The following PLIN3 variants were observed in gnomAD, a reference collection of about 807,000 sequenced individuals.
PLIN3 encodes the protein perilipin-3.
In PLIN3, 30 loss-of-function variants were observed where a neutral mutation model predicts 35.9. That is an observed-to-expected ratio of 0.84 (90% CI 0.62 to 1.13). PLIN3 has a LOEUF of 1.13. Among genes scored for constraint, PLIN3 ranks in the 50% most tolerant of loss-of-function variants. The probability of loss-of-function intolerance (pLI) is 0.00; values close to 1 mark genes in which losing one functional copy is unlikely to be tolerated. For missense variants in PLIN3, 603 were observed against 596.9 expected, an observed-to-expected ratio of 1.01 and a Z score of -0.11; for synonymous variants, 261 against 262.5, an observed-to-expected ratio of 0.99 and a Z score of 0.06.
At chr19:4,844,814 G>T in intron 6 of PLIN3, 21 bp from the exon 7 acceptor site, 1 of 1,578,632 alleles carries the variant, frequency 6.3e-7, no homozygotes. Context: ...GGAGAGAGAA[G>T]TGAGGGAAGG....
intron 1 of PLIN3, among the ~76,000 whole-genome samples, chr19:4,865,426 T>A (rs2030814943): frequency 6.6e-6 from 1 of 151,002 alleles, no homozygotes; most frequent in Non-Finnish European, 1.5e-5. Context: ...GAGGTGGAGG[T>A]TGCAGTGAGT....
At chr19:4,848,205 A>G (rs536378434) in intron 5 of PLIN3, among the ~76,000 whole-genome samples, 7 of 152,242 alleles carry the variant, frequency 4.6e-5, no homozygotes, top group African/African-American at 1.7e-4. Context: ...GCTGGTCTCG[A>G]ACTCCTGATC....
At chr19:4,843,362 G>A (rs1480536647) in intron 7 of PLIN3, among the ~76,000 whole-genome samples, 2 of 151,860 alleles carry the variant, frequency 1.3e-5, no homozygotes, top group East Asian at 3.9e-4. Context: ...AAAAAAATTA[G>A]CTGGGCCTGG....
intron 4 of PLIN3, among the ~76,000 whole-genome samples, chr19:4,855,367 T>C (rs2030441232): frequency 6.6e-6 from 1 of 150,870 alleles, no homozygotes; most frequent in South Asian, 2.1e-4. Flanking sequence ...TCCTACGCTA[T>C]CAGTGGGAGA....
At chr19:4,843,323 G>A (rs973419554) in intron 7 of PLIN3, among the ~76,000 whole-genome samples, 13 of 151,878 alleles carry the variant, frequency 8.6e-5, no homozygotes, top group South Asian at 2.1e-4. Flanking sequence ...CGGGTAACAC[G>A]GTGAAATCGC....
intron 7 of PLIN3, among the ~76,000 whole-genome samples, chr19:4,842,110 G>C (rs538595635): frequency 6.6e-6 from 1 of 151,362 alleles, no homozygotes; most frequent in Non-Finnish European, 1.5e-5. Flanking sequence ...GGCCAACATG[G>C]TGAGACCCCA....
At chr19:4,857,090 C>A (rs188281274) in intron 4 of PLIN3, among the ~76,000 whole-genome samples, 1 of 151,980 alleles carries the variant, frequency 6.6e-6, no homozygotes, top group East Asian at 1.9e-4. Flanking sequence ...TCCTGATCCC[C>A]AGGGGTAAGA....
intron 3 of PLIN3, 67 bp downstream of exon 3, chr19:4,859,758 AC>A (rs1157121198): frequency 2.5e-6 from 4 of 1,592,828 alleles, no homozygotes; most frequent in Admixed American, 1.7e-5. Context: ...AGCTGGGTAG[AC>A]CCCCCTACTC....
intron 6 of PLIN3, among the ~76,000 whole-genome samples, chr19:4,845,098 G>A (rs928075702): frequency 6.6e-6 from 1 of 152,140 alleles, no homozygotes; most frequent in Non-Finnish European, 1.5e-5. Context: ...TTTGGCCAAT[G>A]GGACATGAGC....
intron 5 of PLIN3, among the ~76,000 whole-genome samples, chr19:4,849,681 C>G (rs1427098789): frequency 6.6e-6 from 1 of 151,982 alleles, no homozygotes; most frequent in Non-Finnish European, 1.5e-5. Flanking sequence ...GAGACAGAGT[C>G]TCACTCTGTT....
intron 4 of PLIN3, among the ~76,000 whole-genome samples, chr19:4,853,679 G>A (rs1338790240): frequency 6.6e-6 from 1 of 151,840 alleles, no homozygotes; most frequent in Non-Finnish European, 1.5e-5. Flanking sequence ...CGGGTGCAGT[G>A]GTGCATGTCT....
At chr19:4,844,193 G>T (rs10409269) in intron 7 of PLIN3, among the ~76,000 whole-genome samples, 88,915 of 151,892 alleles carry the variant, frequency 0.59, 26,363 homozygotes, top group Non-Finnish European at 0.63. Flanking sequence ...GCCGGGCTCA[G>T]TAGCTCACGC....
rs76170548 is a variant in PLIN3 at position 4,847,816 on chromosome 19, C to G, written c.709G>C (p.Val237Leu). The stretch of plus-strand genomic sequence containing the variant: ...CTCTCCGACAGGGAGCCCAGACGTA[C>G]GAAGTAGCTCTGTTCCTGCCGCTGC... ...QQQRQEQSYF[V>L]RLGSLSERLR... The change falls in exon 6 of 8, where the codon GTA (valine) becomes CTA (leucine). Residue 237 changes from valine (V) to leucine (L), a missense_variant. Coordinates refer to ENST00000221957, the MANE Select transcript of PLIN3 (RefSeq NM_005817.5). 1.3e-5 allele frequency: 21 copies of G among 1,613,758 alleles called. No individual in the cohort carries two copies. The South Asian group carries it at 2.2e-4, about 17-fold the overall frequency.
chr19:4,843,510 A>AAAAAAAAAAAAG (rs1555733213), intron 7 of PLIN3, among the ~76,000 whole-genome samples: 1 of 139,442 alleles, frequency 7.2e-6, no homozygotes, highest in Non-Finnish European at 1.5e-5. Context: ...TCCATCTCAA[A>AAAAAAAAAAAAG]AAATAAATAA....
At chr19:4,839,628 T>C in intron 7 of PLIN3, 92 bp from the exon 8 acceptor site, 2 of 998,006 alleles carry the variant, frequency 2.0e-6, no homozygotes, top group Non-Finnish European at 1.4e-6. Flanking sequence ...AGAGGGGTTC[T>C]ACCACTGACC....
chr19:4,859,358 C>T (rs965186638), intron 4 of PLIN3, among the ~76,000 whole-genome samples: 2 of 152,110 alleles, frequency 1.3e-5, no homozygotes, highest in African/African-American at 2.4e-5. Flanking sequence ...CCCATCTCTA[C>T]TAAAAATACA....
At chr19:4,844,437 G>C (rs1384969642) in intron 7 of PLIN3, among the ~76,000 whole-genome samples, 5 of 152,110 alleles carry the variant, frequency 3.3e-5, no homozygotes, top group Admixed American at 3.3e-4. Context: ...TTGTACTCCA[G>C]CCTGGGTGAC....
chr19:4,845,378 A>G (rs1057206600), intron 6 of PLIN3, among the ~76,000 whole-genome samples: 5 of 152,076 alleles, frequency 3.3e-5, no homozygotes, highest in African/African-American at 4.8e-5. Flanking sequence ...GTGAGCTGAG[A>G]TTGCGCCACT....
At chr19:4,847,189 C>T (rs975961746) in intron 6 of PLIN3, among the ~76,000 whole-genome samples, 94 of 79,972 alleles carry the variant, frequency 1.2e-3, no homozygotes, top group African/African-American at 3.8e-3. Flanking sequence ...CACCTGGCCA[C>T]GATTTTTTTT....
Sources: allele counts gnomAD v4.1 joint callset (sites outside exome capture counted in the v4.1 genomes callset), GRCh38; gene constraint gnomAD v4.1.1; transcripts MANE v1.5; gene names NCBI Gene and HGNC (gene_info 2026-07-23, HGNC 2026-07-21).